COL4A5: variants seen among roughly 807,000 people sequenced by gnomAD.
The protein encoded by COL4A5 is collagen alpha-5(IV) chain.
Under a neutral mutation model 130.2 loss-of-function variants are expected in COL4A5, and 26 were observed. The ratio of observed to expected loss-of-function variants is 0.20; its 90% CI spans 0.15 to 0.28. The LOEUF (loss-of-function observed/expected upper bound fraction) is 0.28. Ranked by LOEUF, COL4A5 falls within the 10% of genes least tolerant of loss-of-function variation. The pLI is 1.00. For synonymous variants in COL4A5, 496 were observed against 439.6 expected (o/e 1.13, Z -1.60); for missense variants, 1,131 against 1,344.3 (o/e 0.84, Z 2.48).
intron 1 of COL4A5, among the ~76,000 whole-genome samples, chrX:108,503,332 C>T (rs768155966): frequency 8.9e-5 from 10 of 111,813 alleles, no homozygotes; most frequent in East Asian, 5.6e-4. Flanking sequence ...AAGCATTCCT[C>T]GTAAGAACTT....
chrX:108,521,449 T>A (rs1423370545), intron 1 of COL4A5, among the ~76,000 whole-genome samples: 1 of 110,831 alleles, frequency 9.0e-6, no homozygotes, highest in Non-Finnish European at 1.9e-5. Context: ...ACAATAAAGA[T>A]ATTAAAAATA....
At chrX:108,568,989 A>G in intron 6 of COL4A5, 168 bp downstream of exon 6, 1 of 443,463 alleles carries the variant, frequency 2.3e-6, no homozygotes, top group Non-Finnish European at 3.9e-6. Context: ...AACTATCAAT[A>G]ATTTCATTAA....
At chrX:108,585,973 G>A (rs979299280) in intron 18 of COL4A5, among the ~76,000 whole-genome samples, 1 of 111,247 alleles carries the variant, frequency 9.0e-6, no homozygotes, top group Non-Finnish European at 1.9e-5. Context: ...ACATAGACAA[G>A]AACGTGCAAG....
At chrX:108,663,563 A>T (rs1284101234) in intron 37 of COL4A5, among the ~76,000 whole-genome samples, 1 of 110,687 alleles carries the variant, frequency 9.0e-6, no homozygotes, top group Non-Finnish European at 1.9e-5. Flanking sequence ...AACAACACAC[A>T]CTGTGGCCTG....
In COL4A5 at chrX:108,686,080, T is replaced by A; in HGVS notation, c.4266T>A (p.Phe1422Leu). 1.7e-6 allele frequency: 2 copies of A among 1,211,228 alleles called. No homozygotes were observed. Among genetic ancestry groups the A allele is most frequent in the Non-Finnish European group, 2.2e-6 (2 of 895,299 alleles). ...CTGGACGCAATGGACTCCCTGGCTT[T>A]GATGGTGCAGGAGGGCGCAAAGGAG... ...GDPGRNGLPG[F>L]DGAGGRKGDP... Residue 1422 changes from phenylalanine to leucine, a missense_variant, in exon 48 of 53, where the codon TTT becomes TTA. Transcript: ENST00000328300.
At chrX:108,446,956 C>G (rs897236361) in intron 1 of COL4A5, among the ~76,000 whole-genome samples, 1 of 111,464 alleles carries the variant, frequency 9.0e-6, no homozygotes, top group African/African-American at 3.3e-5. Flanking sequence ...TATCCTCCTA[C>G]TTTTCTCCCC....
intron 1 of COL4A5, among the ~76,000 whole-genome samples, chrX:108,480,368 C>T (rs757071028): frequency 8.9e-6 from 1 of 112,623 alleles, no homozygotes; most frequent in Non-Finnish European, 1.9e-5. Context: ...ATTTCCTATC[C>T]TCTGGCATGC....
At chrX:108,474,406 C>T (rs2064811627) in intron 1 of COL4A5, among the ~76,000 whole-genome samples, 1 of 111,721 alleles carries the variant, frequency 9.0e-6, no homozygotes, top group Admixed American at 9.5e-5. Context: ...ACATGCTGTA[C>T]AGATTTATAG....
chrX:108,612,780 G>A (rs2066860034), intron 29 of COL4A5, among the ~76,000 whole-genome samples: 1 of 111,788 alleles, frequency 8.9e-6, no homozygotes, highest in Non-Finnish European at 1.9e-5. Flanking sequence ...AATTTATATG[G>A]AAAAACAAAT....
chrX:108,453,830 G>A (rs780360025), intron 1 of COL4A5, among the ~76,000 whole-genome samples: 2 of 111,593 alleles, frequency 1.8e-5, no homozygotes, highest in East Asian at 5.6e-4. Context: ...AATATGATGT[G>A]GTAATTTTGT....
At chrX:108,530,946 C>T (rs1464416077) in intron 1 of COL4A5, among the ~76,000 whole-genome samples, 1 of 100,225 alleles carries the variant, frequency 1.0e-5, no homozygotes, top group Non-Finnish European at 2.0e-5. Flanking sequence ...ATAGCAAAGA[C>T]TTGGAACCAA....
chrX:108,481,812 T>C (rs2147527779), intron 1 of COL4A5, among the ~76,000 whole-genome samples: 1 of 111,673 alleles, frequency 9.0e-6, no homozygotes. Context: ...TGAAGATGCA[T>C]GTTCTGCCCT....
At chrX:108,547,526 G>A (rs1052504826) in intron 2 of COL4A5, among the ~76,000 whole-genome samples, 7 of 111,985 alleles carry the variant, frequency 6.3e-5, no homozygotes, top group South Asian at 3.7e-4. Context: ...CCTACTGGGG[G>A]TTGCGTCCCA....
chrX:108,477,209 A>T (rs1258978389), intron 1 of COL4A5, among the ~76,000 whole-genome samples: 2 of 111,748 alleles, frequency 1.8e-5, no homozygotes, highest in Non-Finnish European at 3.8e-5. Flanking sequence ...CAGTCGAATC[A>T]AGTTGACAAC....
At chrX:108,495,221 G>T (rs2065024098) in intron 1 of COL4A5, among the ~76,000 whole-genome samples, 1 of 110,344 alleles carries the variant, frequency 9.1e-6, no homozygotes, top group South Asian at 3.8e-4. Context: ...AGTTAACTCA[G>T]AATGGATCAT....
intron 1 of COL4A5, among the ~76,000 whole-genome samples, chrX:108,486,909 G>GT (rs777783129): frequency 5.4e-4 from 61 of 112,050 alleles, no homozygotes; most frequent in Non-Finnish European, 8.1e-4. Flanking sequence ...GTTTTGTTTT[G>GT]TTTTTTCTGT....
intron 1 of COL4A5, among the ~76,000 whole-genome samples, chrX:108,472,353 T>C (rs933026616): frequency 8.9e-6 from 1 of 112,143 alleles, no homozygotes; most frequent in South Asian, 3.7e-4. Context: ...AGGCTTATGA[T>C]GTTGTTCAAG....
chrX:108,695,977 C>T (rs2068725912), intron 52 of COL4A5: 2 of 262,995 alleles, frequency 7.6e-6, no homozygotes, highest in Non-Finnish European at 6.8e-6. Flanking sequence ...ATCATAACAT[C>T]ATCAGTTGCC....
intron 3 of COL4A5, among the ~76,000 whole-genome samples, chrX:108,562,746 G>C (rs2065914335): frequency 9.0e-6 from 1 of 111,572 alleles, no homozygotes; most frequent in South Asian, 3.7e-4. Context: ...TATATACTAA[G>C]TCAAAAAACT....
Sources: gnomAD v4.1 joint callset for allele counts (sites outside exome capture counted in the v4.1 genomes callset) on GRCh38, gnomAD v4.1.1 for gene constraint, MANE v1.5 for transcripts, NCBI Gene and HGNC (gene_info 2026-07-23, HGNC 2026-07-21) for gene names.